The following NPAS3 variants were observed in gnomAD, a reference collection of about 807,000 sequenced individuals.
The protein encoded by NPAS3 is neuronal PAS domain-containing protein 3.
A neutral mutation model predicts 73.1 loss-of-function variants in NPAS3; 14 were observed. That is an observed-to-expected ratio of 0.19 (90% CI 0.13 to 0.30). The LOEUF (loss-of-function observed/expected upper bound fraction) is 0.30. Among genes scored for constraint, NPAS3 ranks in the 10% least tolerant of loss-of-function variants. NPAS3 has a pLI of 1.00. For missense variants in NPAS3, 1,096 were observed against 1,250.0 expected, an observed-to-expected ratio of 0.88 and a Z score of 1.86; for synonymous variants, 620 against 541.5, an observed-to-expected ratio of 1.14 and a Z score of -2.01.
chr14:33,161,582 G>C (rs1231813939), intron 2 of NPAS3, among the ~76,000 whole-genome samples: 5 of 152,154 alleles, frequency 3.3e-5, no homozygotes, highest in Admixed American at 2.6e-4. Context: ...TTCAAATACT[G>C]GTTCTGTAGT....
intron 3 of NPAS3, among the ~76,000 whole-genome samples, chr14:33,249,544 T>A (rs1369384419): frequency 2.0e-5 from 3 of 152,150 alleles, no homozygotes; most frequent in African/African-American, 7.2e-5. Context: ...GGCTGACCTC[T>A]ATGCACCTCT....
intron 4 of NPAS3, among the ~76,000 whole-genome samples, chr14:33,528,183 GAAGAAGGAATA>G (rs1318644218): frequency 6.6e-6 from 1 of 151,912 alleles, no homozygotes; most frequent in African/African-American, 2.4e-5. Flanking sequence ...AAGGAGGGGT[GAAGAAGGAATA>G]GAGACTCCAC....
intron 5 of NPAS3, among the ~76,000 whole-genome samples, chr14:33,616,204 T>C (rs183183350): frequency 8.1e-4 from 123 of 152,268 alleles, no homozygotes; most frequent in Non-Finnish European, 1.3e-3. Flanking sequence ...AACGGGTCTG[T>C]TGGGAGTTGA....
downstream of NPAS3, chr14:33,803,269 G>A (rs1191051460): frequency 6.6e-6 from 1 of 152,148 alleles, no homozygotes; most frequent in Admixed American, 6.5e-5. Flanking sequence ...AATGGGAGGG[G>A]ATAATGGAAT....
At chr14:33,289,452 T>TGC (rs1456600007) in intron 3 of NPAS3, among the ~76,000 whole-genome samples, 1 of 152,210 alleles carries the variant, frequency 6.6e-6, no homozygotes, top group East Asian at 1.9e-4. Flanking sequence ...AATCTATCCT[T>TGC]GGCCCTTTTA....
At chr14:33,352,146 G>A (rs1263136878) in intron 3 of NPAS3, among the ~76,000 whole-genome samples, 1 of 152,194 alleles carries the variant, frequency 6.6e-6, no homozygotes, top group African/African-American at 2.4e-5. Flanking sequence ...TACCTCTTAT[G>A]GGTCGGATAT....
At chr14:33,036,288 A>G (rs1484633981) in intron 1 of NPAS3, among the ~76,000 whole-genome samples, 1 of 152,152 alleles carries the variant, frequency 6.6e-6, no homozygotes, top group Admixed American at 6.5e-5. Context: ...GAGTTGTATT[A>G]TTAAAGTATA....
At chr14:33,529,001 G>A (rs1316753371) in intron 4 of NPAS3, among the ~76,000 whole-genome samples, 1 of 152,088 alleles carries the variant, frequency 6.6e-6, no homozygotes, top group Non-Finnish European at 1.5e-5. Flanking sequence ...AGAGCTGTCT[G>A]ACTTCAAATT....
chr14:33,775,266 G>T (rs1258815223), intron 8 of NPAS3, among the ~76,000 whole-genome samples: 1 of 152,118 alleles, frequency 6.6e-6, no homozygotes, highest in Non-Finnish European at 1.5e-5. Flanking sequence ...TGCAGGGAGG[G>T]CCGTGGAGAG....
chr14:33,340,005 C>T (rs2044398247), intron 3 of NPAS3, among the ~76,000 whole-genome samples: 1 of 152,128 alleles, frequency 6.6e-6, no homozygotes, highest in South Asian at 2.1e-4. Context: ...TATTTTCTTT[C>T]CATCTGATGG....
chr14:33,740,531 A>G (rs758166832), intron 7 of NPAS3, among the ~76,000 whole-genome samples: 8 of 152,204 alleles, frequency 5.3e-5, no homozygotes, highest in Non-Finnish European at 7.4e-5. Context: ...GCATACCACT[A>G]GAGATCCTGC....
chr14:32,977,377 C>CACACACACAT (rs2037730204), intron 1 of NPAS3, among the ~76,000 whole-genome samples: 1 of 151,772 alleles, frequency 6.6e-6, no homozygotes. Context: ...CACACACACA[C>CACACACACAT]ACACCCCTAA....
At chr14:33,205,907 A>G (rs1594390478) in intron 2 of NPAS3, among the ~76,000 whole-genome samples, 1 of 152,210 alleles carries the variant, frequency 6.6e-6, no homozygotes, top group Non-Finnish European at 1.5e-5. Context: ...CACTTAAGGA[A>G]AATTAAAAGA....
At chr14:33,666,933 T>C (rs1281501149) in intron 5 of NPAS3, among the ~76,000 whole-genome samples, 1 of 152,232 alleles carries the variant, frequency 6.6e-6, no homozygotes, top group East Asian at 1.9e-4. Context: ...CAAGGATTCT[T>C]GCTTCTAGAG....
At chr14:33,429,581 A>G (rs760851739) in intron 4 of NPAS3, among the ~76,000 whole-genome samples, 58 of 152,150 alleles carry the variant, frequency 3.8e-4, no homozygotes, top group Admixed American at 1.7e-3. Flanking sequence ...TTTACAAGGT[A>G]CTTCCTTTTG....
At chr14:33,604,678 T>G (rs2057501771) in intron 5 of NPAS3, among the ~76,000 whole-genome samples, 1 of 152,066 alleles carries the variant, frequency 6.6e-6, no homozygotes, top group Non-Finnish European at 1.5e-5. Flanking sequence ...ACATAAAACA[T>G]TTACCAAAAT....
intron 4 of NPAS3, among the ~76,000 whole-genome samples, chr14:33,514,770 A>G (rs910628892): frequency 6.6e-6 from 1 of 152,114 alleles, no homozygotes; most frequent in Non-Finnish European, 1.5e-5. Flanking sequence ...ATTTCATTAT[A>G]TGATTATTAT....
intron 4 of NPAS3, among the ~76,000 whole-genome samples, chr14:33,511,444 T>A (rs1271326114): frequency 6.6e-6 from 1 of 152,112 alleles, no homozygotes; most frequent in East Asian, 1.9e-4. Flanking sequence ...ATTTAATCAA[T>A]AAAGAGAAAG....
intron 1 of NPAS3, among the ~76,000 whole-genome samples, chr14:33,012,102 C>T (rs2039224821): frequency 1.3e-5 from 2 of 152,118 alleles, no homozygotes; most frequent in African/African-American, 4.8e-5. Flanking sequence ...TTCCTCTCTC[C>T]AGCTTGTGTC....
Sources: allele counts gnomAD v4.1 joint callset (sites outside exome capture counted in the v4.1 genomes callset), GRCh38; gene constraint gnomAD v4.1.1; transcripts MANE v1.5; gene names NCBI Gene and HGNC (gene_info 2026-07-23, HGNC 2026-07-21).